The following LRRC63 variants were observed in gnomAD, a reference collection of about 807,000 sequenced individuals.
LRRC63 encodes leucine rich repeat containing 63.
In LRRC63, 40 loss-of-function variants were observed where a neutral mutation model predicts 49.5. The observed-to-expected ratio is 0.81, with a 90% CI of 0.63 to 1.05. The LOEUF is 1.05. LRRC63 is among the 50% of genes least tolerant of loss of function. The pLI is 0.00. For synonymous variants in LRRC63, 191 were observed against 221.1 expected, an observed-to-expected ratio of 0.86 and a Z score of 1.21; for missense variants, 636 against 663.1, an observed-to-expected ratio of 0.96 and a Z score of 0.45.
At chr13:46,258,123 T>G (rs1219265043) in intron 7 of LRRC63, among the ~76,000 whole-genome samples, 1 of 127,146 alleles carries the variant, frequency 7.9e-6, no homozygotes, top group African/African-American at 3.5e-5. Context: ...AGTGACCTAC[T>G]CTTTTTTTTT....
At chr13:46,266,861 A>C (rs41284167) in exon 9 of LRRC63, 84,651 of 1,549,408 alleles carry the variant, frequency 0.055, 4,458 homozygotes, top group African/African-American at 0.27. Context: ...AGAGATAATT[A>C]TTTGAATAAT....
At chr13:46,256,191 G>A (rs770791468) in intron 7 of LRRC63, among the ~76,000 whole-genome samples, 17 of 152,180 alleles carry the variant, frequency 1.1e-4, no homozygotes, top group Admixed American at 2.6e-4. Flanking sequence ...AACCCACTAG[G>A]TTCTTGAAGA....
intron 6 of LRRC63, among the ~76,000 whole-genome samples, chr13:46,249,767 T>C (rs1466556763): frequency 6.6e-6 from 1 of 151,960 alleles, no homozygotes; most frequent in Non-Finnish European, 1.5e-5. Context: ...AGAACTAATA[T>C]AAGACCTTGT....
intron 7 of LRRC63, among the ~76,000 whole-genome samples, chr13:46,257,705 A>C (rs9526164): frequency 0.053 from 7,998 of 152,246 alleles, 297 homozygotes; most frequent in South Asian, 0.083. Flanking sequence ...ATTTAACAGT[A>C]TTTTATTAAA....
chr13:46,212,251 C>G lies in LRRC63; in HGVS notation c.-42C>G, dbSNP rs949606736. ...ACCTTGAGCGCTTGTGTGCAGTTAT[C>G]TTTTGGCGGTAAACGGCCCATTTGT... On this transcript the variant is annotated 5_prime_UTR_variant, in exon 1 of 10. In the 5' UTR this introduces an upstream ATG that the reference lacks. Transcript: ENST00000595396. 1 of 152,244 alleles carries G rather than the reference C, an allele frequency of 6.6e-6. No individual in the cohort carries two copies. The highest frequency in any genetic ancestry group is 6.5e-5 in the Admixed American group (1 of 15,284). 9.4% of individuals were successfully genotyped at this position (152,244 alleles called of 1,614,324 possible).
At chr13:46,232,603 G>A (rs551162445) in intron 4 of LRRC63, among the ~76,000 whole-genome samples, 2 of 152,276 alleles carry the variant, frequency 1.3e-5, no homozygotes, top group African/African-American at 4.8e-5. Context: ...TGATAATGGT[G>A]TTTTCTGCCT....
intron 7 of LRRC63, among the ~76,000 whole-genome samples, chr13:46,252,597 T>A (rs546673417): frequency 2.6e-4 from 39 of 152,184 alleles, no homozygotes; most frequent in Non-Finnish European, 4.9e-4. Context: ...CAGTAAAATG[T>A]ATGAGTTACA....
At chr13:46,269,844 ATATATC>A (rs1309561035) in intron 9 of LRRC63, among the ~76,000 whole-genome samples, 1 of 148,012 alleles carries the variant, frequency 6.8e-6, no homozygotes, top group Non-Finnish European at 1.5e-5. Context: ...CTATATATCT[ATATATC>A]TACTATATAG....
At chr13:46,217,271 C>T (rs2046278035) in intron 2 of LRRC63, among the ~76,000 whole-genome samples, 1 of 152,154 alleles carries the variant, frequency 6.6e-6, no homozygotes, top group Non-Finnish European at 1.5e-5. Flanking sequence ...CTATTAATTA[C>T]TGCCTCAATT....
intron 5 of LRRC63, among the ~76,000 whole-genome samples, chr13:46,235,898 G>C (rs1217490412): frequency 6.6e-6 from 1 of 152,066 alleles, no homozygotes; most frequent in Non-Finnish European, 1.5e-5. Flanking sequence ...AGAATAATGT[G>C]TGAACAAAGA....
At chr13:46,255,645 A>AAAAAAAAAAAATATATATATATATATAT (rs1555328641) in intron 7 of LRRC63, among the ~76,000 whole-genome samples, 5 of 129,466 alleles carry the variant, frequency 3.9e-5, no homozygotes, top group African/African-American at 1.5e-4. Flanking sequence ...CCCTGCCTCA[A>AAAAAAAAAAAATATATATATATATATAT]ATATATATAT....
Position 46,246,612 on chromosome 13 carries a change from A to T in LRRC63, c.1076A>T (p.Tyr359Phe), listed in dbSNP as rs529299670. The change falls in exon 6 of 10, where the codon TAC (tyrosine) becomes TTC (phenylalanine). Residue 359 changes from tyrosine (Y) to phenylalanine (F), a missense_variant. Transcript: ENST00000595396. Reference sequence around the variant, plus strand: ...AATTTATCATTTAATGATCTTCATTACTTTCCCACAGAAGTGAGTCAACTT... The same window carrying T: ...AATTTATCATTTAATGATCTTCATTTCTTTCCCACAGAAGTGAGTCAACTT... 99 of 1,434,776 alleles carry T rather than the reference A, an allele frequency of 6.9e-5. No individual in the cohort carries two copies. In the Admixed American group the frequency reaches 8.0e-4, roughly 12 times the overall value. The allele number at this position is 1,434,776 out of a possible 1,614,324, so 88.9% of individuals were successfully genotyped here. A position where few individuals can be genotyped will look rare whatever the true frequency, so the allele number is the denominator to read the frequency against.
chr13:46,276,775 T>C, exon 10 of LRRC63: 1 of 1,209,434 alleles, frequency 8.3e-7, no homozygotes, highest in East Asian at 3.2e-5. Context: ...AGAATAGCTC[T>C]AGATGTGGAG....
intron 9 of LRRC63, among the ~76,000 whole-genome samples, chr13:46,268,440 C>T (rs1176507676): frequency 1.3e-5 from 2 of 152,030 alleles, no homozygotes; most frequent in East Asian, 1.9e-4. Flanking sequence ...GATATGAATT[C>T]GCAGACATCA....
Position 46,247,645 on chromosome 13 carries a change from G to A in LRRC63, c.1089+1020G>A, listed in dbSNP as rs1484016614. Among the ~76,000 whole-genome samples, 10 of 152,212 alleles carry A rather than the reference G, an allele frequency of 6.6e-5. No individual in the cohort carries two copies. In the East Asian group the frequency reaches 1.9e-3, roughly 29 times the overall value. On this transcript the variant is annotated intron_variant, in intron 6 of 9. Coordinates refer to ENST00000595396, the Ensembl canonical transcript of LRRC63. ...TATCTAAGCTTAGAGAGGCTGTTTT[G>A]GGGACAGGCTAATGAGGCCCAGTTG...
chr13:46,258,596 T>A (rs1594089405), intron 7 of LRRC63, among the ~76,000 whole-genome samples: 1 of 150,052 alleles, frequency 6.7e-6, no homozygotes. Flanking sequence ...AATCACGAGG[T>A]CAGGAGATCG....
At chr13:46,246,669 A>C in intron 6 of LRRC63, 44 bp downstream of exon 6, 1 of 843,844 alleles carries the variant, frequency 1.2e-6, no homozygotes, top group Non-Finnish European at 1.6e-6. Context: ...ACTTGTCGTG[A>C]ATAATAATTA....
intron 7 of LRRC63, among the ~76,000 whole-genome samples, chr13:46,261,289 G>A (rs895827763): frequency 1.3e-5 from 2 of 152,220 alleles, no homozygotes; most frequent in Admixed American, 6.5e-5. Context: ...CTCATTTGGA[G>A]ATAGCGTCTT....
intron 5 of LRRC63, among the ~76,000 whole-genome samples, chr13:46,236,763 G>A (rs2046915600): frequency 6.6e-6 from 1 of 151,940 alleles, no homozygotes; most frequent in African/African-American, 2.4e-5. Context: ...TAACTACAAA[G>A]GTAAATATAA....
Sources: gnomAD v4.1 joint callset for allele counts (sites outside exome capture counted in the v4.1 genomes callset) on GRCh38, gnomAD v4.1.1 for gene constraint, MANE v1.5 for transcripts, NCBI Gene and HGNC (gene_info 2026-07-23, HGNC 2026-07-21) for gene names.